Variants in NT5C3B observed in about 807,000 individuals in gnomAD.
NT5C3B encodes the protein 5'-nucleotidase, cytosolic IIIB.
In NT5C3B, 28 loss-of-function variants were observed where a neutral mutation model predicts 32.5. The ratio of observed to expected loss-of-function variants is 0.86; its 90% CI spans 0.64 to 1.18. NT5C3B has a LOEUF of 1.18. NT5C3B is among the 50% of genes most tolerant of loss of function. The pLI, the probability that NT5C3B is intolerant of heterozygous loss-of-function variation, is 0.00. For missense variants in NT5C3B, 317 were observed against 322.0 expected, an observed-to-expected ratio of 0.98 and a Z score of 0.12; for synonymous variants, 138 against 118.0, an observed-to-expected ratio of 1.17 and a Z score of -1.10.
chr17:41,833,667 G>C (rs2048090290), intron 4 of NT5C3B, among the ~76,000 whole-genome samples: 1 of 152,050 alleles, frequency 6.6e-6, no homozygotes, highest in African/African-American at 2.4e-5. Context: ...CCAATTTAGA[G>C]AAAGATTTAG....
At chr17:41,829,537 G>C (rs1454737466) in intron 6 of NT5C3B, among the ~76,000 whole-genome samples, 2 of 152,116 alleles carry the variant, frequency 1.3e-5, no homozygotes, top group Admixed American at 6.6e-5. Flanking sequence ...GATTAGCTTT[G>C]CCTGTCCTTG....
Position 41,835,132 on chromosome 17 carries a change from ACTC to A in NT5C3B, c.182-19_182-17del. On this transcript the variant is annotated splice_polypyrimidine_tract_variant and intron_variant, in intron 3 of 8. Coordinates refer to ENST00000435506, the MANE Select transcript of NT5C3B (RefSeq NM_052935.5). ...TCCAGAATATCTGGAAAAAGAGAAA[ACTC>A]CTTTTACTTGTCCCTTAGAACCCAT... 1 of 1,613,804 alleles carries A rather than the reference ACTC, an allele frequency of 6.2e-7. No individual in the cohort carries two copies. Among genetic ancestry groups the A allele is most frequent in the Non-Finnish European group, 8.5e-7 (1 of 1,179,796 alleles).
rs2048006659 is a variant in NT5C3B, at chr17:41,828,872, A to T, written c.485T>A (p.Ile162Asn). The change falls in exon 7 of 9, where the codon ATC becomes AAC. Residue 162 changes from isoleucine to asparagine, a missense_variant. Coordinates refer to ENST00000435506, the MANE Select transcript of NT5C3B (RefSeq NM_052935.5). Reference protein sequence around the residue: ...LFIFSAGIGDILEEIIRQMKV... With the variant: ...LFIFSAGIGDNLEEIIRQMKV... The stretch of plus-strand genomic sequence containing the variant: ...CATCTGTCGGATAATTTCTTCCAGG[A>T]TATCACCAATGCCCGCAGAAAAGAT... 1 of 1,613,954 alleles carries T rather than the reference A, an allele frequency of 6.2e-7. No individual in the cohort carries two copies. Among genetic ancestry groups the T allele is most frequent in the Non-Finnish European group, 8.5e-7 (1 of 1,179,848 alleles).
At position 41,827,422 on chromosome 17, in the gene NT5C3B, C is replaced by T. The variant is rs781924001; in HGVS notation, c.768+4G>A. The stretch of plus-strand genomic sequence containing the variant: ...AAGAGAAGCAGCCCTGGTCCTCTAC[C>T]CACCTTGTCATTCAGGAAGCCAATT... On this transcript the variant is annotated splice_donor_region_variant and intron_variant, in intron 8 of 8. Coordinates refer to ENST00000435506, the MANE Select transcript of NT5C3B (RefSeq NM_052935.5). 1.0e-5 allele frequency: 9 copies of T among 872,240 alleles called. No individual in the cohort carries two copies. The highest frequency in any genetic ancestry group is 1.8e-5 in the Non-Finnish European group (9 of 501,594). 54.0% of individuals were successfully genotyped at this position (872,240 alleles called of 1,614,324 possible).
At chr17:41,832,549 G>A (rs1360883995) in intron 4 of NT5C3B, 72 bp from the exon 5 acceptor site, 23 of 1,420,546 alleles carry the variant, frequency 1.6e-5, no homozygotes, top group Non-Finnish European at 2.3e-5. Flanking sequence ...CTACAGCTTA[G>A]TATGAGAAAA....
rs191669932 is a variant in NT5C3B at position 41,829,088 on chromosome 17, C to T, written c.405-136G>A. ...CCAGGCTGGAGGGCAGTGGCACAATCACAGTTCACTGCGACCTCGACCTCC... is the reference window on the plus strand; with the variant it reads ...CCAGGCTGGAGGGCAGTGGCACAATTACAGTTCACTGCGACCTCGACCTCC... On this transcript the variant is annotated intron_variant, in intron 6 of 8. Coordinates refer to ENST00000435506, the MANE Select transcript of NT5C3B (RefSeq NM_052935.5). 6 of 670,680 alleles carry T rather than the reference C, an allele frequency of 8.9e-6. No individual in the cohort carries two copies. The Admixed American group carries it at 1.6e-4, about 18-fold the overall frequency. 41.5% of individuals were successfully genotyped at this position (670,680 alleles called of 1,614,324 possible).
intron 7 of NT5C3B, 37 bp downstream of exon 7, chr17:41,828,753 C>T: frequency 6.3e-7 from 1 of 1,592,300 alleles, no homozygotes; most frequent in Non-Finnish European, 8.6e-7. Flanking sequence ...GGTCCCCACC[C>T]CTCGTCCTTT....
In NT5C3B at chr17:41,825,560, A is replaced by G. The variant is rs781970839; in HGVS notation, c.866T>C (p.Leu289Pro). ...CATCTCCAGCTGGACCCCCTGGCAC[A>G]GGATGTGCTGCAGTAGCCCGTTGAC... ...DVVNGLLQHI[L>P]CQGVQLEMQG... The change falls in exon 9 of 9, where the codon CTG (leucine) becomes CCG (proline). Residue 289 changes from leucine (L) to proline (P), a missense_variant. Coordinates refer to ENST00000435506, the MANE Select transcript of NT5C3B (RefSeq NM_052935.5). 1.1e-5 allele frequency: 10 copies of G among 872,696 alleles called. No homozygotes were observed. The South Asian group carries it at 1.3e-4, about 11-fold the overall frequency. 54.1% of individuals were successfully genotyped at this position (872,696 alleles called of 1,614,324 possible).
At chr17:41,828,402 A>C (rs34545398) in intron 7 of NT5C3B, 14,571 of 169,932 alleles carry the variant, frequency 0.086, 875 homozygotes, top group Non-Finnish European at 0.12. Context: ...CAGTGGTGTG[A>C]TCTTGGCTCA....
At position 41,828,892 on chromosome 17, in the gene NT5C3B, A is replaced by G; in HGVS notation, c.465T>C (p.Phe155=). The change falls in exon 7 of 9, where the codon TTT becomes TTC. Residue 155 remains phenylalanine (F), a synonymous_variant. Coordinates refer to ENST00000435506, the MANE Select transcript of NT5C3B (RefSeq NM_052935.5). ...LYHNNIPLFI[F]SAGIGDILEE... is the part of the protein sequence containing the mutation. ...CCAGGATATCACCAATGCCCGCAGA[A>G]AAGATGAAAAGGGGAATGTTGTTAT... The G allele has an allele frequency of 6.2e-7, 1 of 1,614,090 alleles. No individual in the cohort carries two copies. The highest frequency in any genetic ancestry group is 8.5e-7 in the Non-Finnish European group (1 of 1,179,900).
chr17:41,825,617 A>G lies in NT5C3B; in HGVS notation c.809T>C (p.Ile270Thr), dbSNP rs1555618033. Residue 270 changes from isoleucine (I) to threonine (T), a missense_variant, in exon 9 of 9, where the codon ATC becomes ACC. Physicochemically the swap from Ile to Thr is moderately conservative, Grantham distance 89. Coordinates refer to ENST00000435506, the MANE Select transcript of NT5C3B (RefSeq NM_052935.5). ...CAGAGTCTCGTCCTTCTCCAGCACG[A>G]TGTCATAGGAGTCCATGTAGCGCTC... ...RRERYMDSYDIVLEKDETLDV... is the reference protein window; with the variant it reads ...RRERYMDSYDTVLEKDETLDV... 1 of 872,760 alleles carries G rather than the reference A, an allele frequency of 1.1e-6. No homozygotes were observed. Among genetic ancestry groups the G allele is most frequent in the South Asian group, 1.3e-5 (1 of 76,534 alleles). 54.1% of individuals were successfully genotyped at this position (872,760 alleles called of 1,614,324 possible).
chr17:41,825,590 T>A lies in NT5C3B; in HGVS notation c.836A>T (p.Asp279Val), dbSNP rs1555618026. Reference protein sequence around the residue: ...DIVLEKDETLDVVNGLLQHIL... With the variant: ...DIVLEKDETLVVVNGLLQHIL... The stretch of plus-strand genomic sequence containing the variant: ...GTGCTGCAGTAGCCCGTTGACCACA[T>A]CCAGAGTCTCGTCCTTCTCCAGCAC... Residue 279 changes from aspartate (D) to valine (V), a missense_variant, in exon 9 of 9, where the codon GAT becomes GTT. Transcript: ENST00000435506. The A allele has an allele frequency of 1.1e-6, 1 of 872,712 alleles. No homozygotes were observed. Among genetic ancestry groups the A allele is most frequent in the Non-Finnish European group, 2.0e-6 (1 of 501,674 alleles). The allele number at this position is 872,712 out of a possible 1,614,324, so 54.1% of individuals were successfully genotyped here. A position where few individuals can be genotyped will look rare whatever the true frequency, so the allele number is the denominator to read the frequency against.
chr17:41,835,811 T>C (rs2048142028), intron 2 of NT5C3B, 48 bp downstream of exon 2: 1 of 1,531,882 alleles, frequency 6.5e-7, no homozygotes, highest in Non-Finnish European at 8.9e-7. Flanking sequence ...GCAGGAAGCC[T>C]CTCCAGCCGC....
chr17:41,835,383 T>C (rs1399167405), intron 2 of NT5C3B, 111 bp from the exon 3 acceptor site: 5 of 888,868 alleles, frequency 5.6e-6, no homozygotes, highest in Non-Finnish European at 9.2e-6. Flanking sequence ...GGCCAGGATG[T>C]AGGCAAAGCC....
intron 2 of NT5C3B, 83 bp from the exon 3 acceptor site, chr17:41,835,355 A>G: frequency 8.6e-7 from 1 of 1,165,028 alleles, no homozygotes; most frequent in Non-Finnish European, 1.3e-6. Flanking sequence ...ATGATTATGG[A>G]AATCAATACA....
chr17:41,835,708 G>A lies in NT5C3B; in HGVS notation c.111+151C>T, dbSNP rs2048139006. ...CTGAAATTTGGGTTTTAGGACAGGC[G>A]AACCAACCCGCTCTCCTTCAAGCTC... On this transcript the variant is annotated intron_variant, in intron 2 of 8. Transcript: ENST00000435506. 1.7e-5 allele frequency: 14 copies of A among 847,148 alleles called. No individual in the cohort carries two copies. In the East Asian group the frequency reaches 2.4e-4, roughly 14 times the overall value. The allele number at this position is 847,148 out of a possible 1,614,324, so 52.5% of individuals were successfully genotyped here. A position where few individuals can be genotyped will look rare whatever the true frequency, so the allele number is the denominator to read the frequency against.
intron 5 of NT5C3B, among the ~76,000 whole-genome samples, chr17:41,831,192 G>A (rs1049218171): frequency 1.3e-5 from 2 of 152,006 alleles, no homozygotes; most frequent in Admixed American, 6.6e-5. Flanking sequence ...GGTGGTGCAC[G>A]CCTGTAGTCC....
At chr17:41,832,820 A>C in intron 4 of NT5C3B, 1 of 188,658 alleles carries the variant, frequency 5.3e-6, no homozygotes, top group Non-Finnish European at 1.1e-5. Context: ...GTGAGCCAAG[A>C]CGAGATCACA....
intron 4 of NT5C3B, among the ~76,000 whole-genome samples, chr17:41,834,061 A>G (rs2048097810): frequency 6.6e-6 from 1 of 152,206 alleles, no homozygotes; most frequent in South Asian, 2.1e-4. Context: ...GAAATGTATT[A>G]AGATTCTCAA....
Sources: allele counts gnomAD v4.1 joint callset (sites outside exome capture counted in the v4.1 genomes callset), GRCh38; gene constraint gnomAD v4.1.1; transcripts MANE v1.5; gene names NCBI Gene and HGNC (gene_info 2026-07-23, HGNC 2026-07-21).